Variants in DIAPH3 observed in about 807,000 individuals in gnomAD.
The protein encoded by DIAPH3 is protein diaphanous homolog 3.
In DIAPH3, 117 loss-of-function variants were observed where a neutral mutation model predicts 144.3. The ratio of observed to expected loss-of-function variants is 0.81; its 90% CI spans 0.70 to 0.95. The LOEUF is 0.95. Ranked by LOEUF, DIAPH3 falls within the 40% of genes least tolerant of loss-of-function variation. DIAPH3 has a pLI of 0.00. For missense variants in DIAPH3, 1,421 were observed against 1,412.7 expected, an observed-to-expected ratio of 1.01 and a Z score of -0.09; for synonymous variants, 519 against 488.9, an observed-to-expected ratio of 1.06 and a Z score of -0.81.
At chr13:59,710,675 T>C (rs929205373) in intron 27 of DIAPH3, among the ~76,000 whole-genome samples, 2 of 152,240 alleles carry the variant, frequency 1.3e-5, no homozygotes, top group Admixed American at 6.5e-5. Flanking sequence ...ATCTTAACAT[T>C]GTTGTGATTA....
intron 24 of DIAPH3, among the ~76,000 whole-genome samples, chr13:59,825,032 T>C (rs2041302728): frequency 1.4e-5 from 1 of 71,020 alleles, no homozygotes; most frequent in African/African-American, 4.2e-5. Flanking sequence ...AAATGACACA[T>C]TTATTTTATT....
chr13:59,669,468 C>T (rs1433194655), intron 27 of DIAPH3, among the ~76,000 whole-genome samples: 1 of 152,158 alleles, frequency 6.6e-6, no homozygotes, highest in Non-Finnish European at 1.5e-5. Context: ...CCTTCCCCAA[C>T]ACCTATTATC....
At chr13:59,867,089 A>G (rs527485815) in intron 21 of DIAPH3, among the ~76,000 whole-genome samples, 13 of 148,838 alleles carry the variant, frequency 8.7e-5, no homozygotes, top group African/African-American at 2.7e-4. Context: ...TTTTAAATAT[A>G]TATTTTAAAT....
chr13:60,113,397 G>A (rs1290185368), intron 2 of DIAPH3, among the ~76,000 whole-genome samples: 1 of 152,062 alleles, frequency 6.6e-6, no homozygotes, highest in African/African-American at 2.4e-5. Flanking sequence ...TAAAGAAATA[G>A]GATTTCTTCA....
intron 9 of DIAPH3, among the ~76,000 whole-genome samples, chr13:60,007,944 G>A (rs1461891814): frequency 1.3e-5 from 2 of 152,020 alleles, no homozygotes; most frequent in African/African-American, 4.8e-5. Context: ...GACTAACATA[G>A]AATAAACAGT....
chr13:59,683,157 A>G (rs1189393648), intron 27 of DIAPH3, among the ~76,000 whole-genome samples: 3 of 152,192 alleles, frequency 2.0e-5, no homozygotes, highest in African/African-American at 7.2e-5. Flanking sequence ...GAAGCCTACA[A>G]TCTAACCACA....
rs200870976 is a variant in DIAPH3 at position 59,851,635 on chromosome 13, C to CTT, written c.2737+9770_2737+9771dup. Among the ~76,000 whole-genome samples, 252 of 112,268 alleles carry CTT rather than the reference C, an allele frequency of 2.2e-3. 2 individuals are homozygous for CTT. The highest frequency in any genetic ancestry group is 2.7e-3 in the African/African-American group (84 of 31,424). 73.7% of individuals were successfully genotyped at this position (112,268 alleles called of 152,430 possible). On this transcript the variant is annotated intron_variant, in intron 22 of 27. Coordinates refer to ENST00000400324, the MANE Select transcript of DIAPH3 (RefSeq NM_001042517.2). ...CTGATTCAACAATGAATAGATGAAT[C>CTT]TTTTTTTTTTTTTTTTTTTTTTGAG...
intron 20 of DIAPH3, among the ~76,000 whole-genome samples, chr13:59,881,777 A>G (rs748894590): frequency 2.6e-5 from 4 of 152,210 alleles, no homozygotes; most frequent in Non-Finnish European, 4.4e-5. Flanking sequence ...AAGTCAGGAA[A>G]TGTAACCTAA....
chr13:59,727,827 C>A lies in DIAPH3; in HGVS notation c.3319+46362G>T, dbSNP rs554075972. On this transcript the variant is annotated intron_variant, in intron 27 of 27. Transcript: ENST00000400324. ...CATACAGAGGGTCTACCACCATACA[C>A]AATTTGACATGCAGCCCTAATACCC... Among the ~76,000 whole-genome samples, 105 of 152,106 alleles carry A rather than the reference C, an allele frequency of 6.9e-4. 1 individual carries two copies. The highest frequency in any genetic ancestry group is 1.4e-3 in the Non-Finnish European group (92 of 67,982).
chr13:60,007,834 C>T (rs2052979117), intron 9 of DIAPH3, among the ~76,000 whole-genome samples: 1 of 151,992 alleles, frequency 6.6e-6, no homozygotes, highest in African/African-American at 2.4e-5. Flanking sequence ...CTTGGGTTTC[C>T]TTATTATTCA....
intron 22 of DIAPH3, among the ~76,000 whole-genome samples, chr13:59,843,475 C>T (rs547315378): frequency 7.9e-5 from 12 of 152,302 alleles, no homozygotes; most frequent in Admixed American, 5.9e-4. Context: ...GTCAGTGGGT[C>T]AGGAACTATG....
intron 24 of DIAPH3, among the ~76,000 whole-genome samples, chr13:59,813,860 A>G (rs1250225395): frequency 7.4e-6 from 1 of 134,982 alleles, no homozygotes; most frequent in Non-Finnish European, 1.6e-5. Context: ...CTTTGTCTCA[A>G]AAAAAAAAAA....
chr13:60,158,701 A>G (rs1262088909), intron 1 of DIAPH3, among the ~76,000 whole-genome samples: 1 of 152,056 alleles, frequency 6.6e-6, no homozygotes, highest in African/African-American at 2.4e-5. Context: ...AGGGAGTTCT[A>G]GAGTGGCAGC....
At chr13:60,073,261 G>T (rs1341869731) in intron 4 of DIAPH3, among the ~76,000 whole-genome samples, 1 of 151,764 alleles carries the variant, frequency 6.6e-6, no homozygotes, top group Non-Finnish European at 1.5e-5. Flanking sequence ...GTGAGCCGAG[G>T]CGGCGCCACT....
rs1033065783 is a variant in DIAPH3 at position 60,112,038 on chromosome 13, T to A, written c.362A>T (p.Glu121Val). 1.9e-6 allele frequency: 3 copies of A among 1,614,114 alleles called. No homozygotes were observed. The highest frequency in any genetic ancestry group is 2.7e-5 in the African/African-American group (2 of 75,066). Reference protein sequence around the residue: ...ENFPKPLSENELLELFEKMME... With the variant: ...ENFPKPLSENVLLELFEKMME... Reference sequence around the variant, plus strand: ...CATTTTTTCAAAAAGTTCTAAGAGTTCATTCTCTGACAGTGGCTTTGGAAA... The same window carrying A: ...CATTTTTTCAAAAAGTTCTAAGAGTACATTCTCTGACAGTGGCTTTGGAAA... Residue 121 changes from glutamate to valine, a missense_variant, in exon 3 of 28, where the codon GAA becomes GTA. Coordinates refer to ENST00000400324, the MANE Select transcript of DIAPH3 (RefSeq NM_001042517.2).
intron 24 of DIAPH3, among the ~76,000 whole-genome samples, chr13:59,817,176 ATTCT>A (rs2040822232): frequency 6.6e-6 from 1 of 151,828 alleles, no homozygotes; most frequent in South Asian, 2.1e-4. Context: ...AAAAATGTGT[ATTCT>A]TTAATTATCG....
intron 17 of DIAPH3, among the ~76,000 whole-genome samples, chr13:59,955,342 G>A (rs7318714): frequency 0.22 from 34,110 of 151,736 alleles, 4,010 homozygotes; most frequent in South Asian, 0.27. Context: ...AGTTTCATGA[G>A]AGCTGATATT....
intron 21 of DIAPH3, among the ~76,000 whole-genome samples, chr13:59,871,478 A>G (rs1231176816): frequency 6.6e-6 from 1 of 152,044 alleles, no homozygotes; most frequent in African/African-American, 2.4e-5. Context: ...CTCTACCCCT[A>G]TTTGGTGAGA....
At chr13:59,752,878 T>A (rs2037081196) in intron 27 of DIAPH3, among the ~76,000 whole-genome samples, 1 of 152,234 alleles carries the variant, frequency 6.6e-6, no homozygotes, top group Admixed American at 6.5e-5. Flanking sequence ...TGGTATAAAA[T>A]GTCTGAATAT....
Sources: gnomAD v4.1 joint callset for allele counts (sites outside exome capture counted in the v4.1 genomes callset) on GRCh38, gnomAD v4.1.1 for gene constraint, MANE v1.5 for transcripts, NCBI Gene and HGNC (gene_info 2026-07-23, HGNC 2026-07-21) for gene names.